The following IPO5 variants were observed in gnomAD, a reference collection of about 807,000 sequenced individuals.
The protein encoded by IPO5 is importin 5.
A neutral mutation model predicts 143.3 loss-of-function variants in IPO5; 18 were observed. The ratio of observed to expected loss-of-function variants is 0.13; its 90% CI spans 0.09 to 0.19. The LOEUF (loss-of-function observed/expected upper bound fraction) is 0.19. Among genes scored for constraint, IPO5 ranks in the 10% least tolerant of loss-of-function variants. The pLI is 1.00. For synonymous variants in IPO5, 477 were observed against 465.7 expected, an observed-to-expected ratio of 1.02 and a Z score of -0.31; for missense variants, 1,013 against 1,336.9, an observed-to-expected ratio of 0.76 and a Z score of 3.78.
At chr13:97,978,030 G>A (rs1196435387) in intron 4 of IPO5, among the ~76,000 whole-genome samples, 1 of 152,020 alleles carries the variant, frequency 6.6e-6, no homozygotes, top group African/African-American at 2.4e-5. Flanking sequence ...TACACTTAGG[G>A]GTTTTATATT....
chr13:98,008,021 C>G (rs751133112), intron 17 of IPO5, 38 bp from the exon 18 acceptor site: 2 of 1,305,360 alleles, frequency 1.5e-6, no homozygotes, highest in East Asian at 2.4e-5. Flanking sequence ...AAACAAAATT[C>G]GGTATCAACA....
intron 3 of IPO5, among the ~76,000 whole-genome samples, chr13:97,972,331 C>T (rs1668936427): frequency 6.6e-6 from 1 of 152,170 alleles, no homozygotes; most frequent in African/African-American, 2.4e-5. Context: ...CTCCCACTTC[C>T]AGAACACTCC....
At chr13:98,004,819 C>T (rs140806815) in intron 16 of IPO5, among the ~76,000 whole-genome samples, 4 of 152,148 alleles carry the variant, frequency 2.6e-5, no homozygotes, top group East Asian at 1.9e-4. Flanking sequence ...GTGTAATTGA[C>T]GTGGGGAATT....
Position 97,990,493 on chromosome 13 carries a change from G to A in IPO5, c.625G>A (p.Ala209Thr), listed in dbSNP as rs756384236. The A allele has an allele frequency of 1.2e-6, 2 of 1,606,688 alleles. No individual in the cohort carries two copies. The highest frequency in any genetic ancestry group is 8.5e-7 in the Non-Finnish European group (1 of 1,178,300). ...TATACTTGCAAATGAGCATAATGTTGCTCTGTTCAAACATTTTGCAGACTT... is the reference window on the plus strand; with the variant it reads ...TATACTTGCAAATGAGCATAATGTTACTCTGTTCAAACATTTTGCAGACTT... ...AFILANEHNV[A>T]LFKHFADLLP... Residue 209 changes from alanine to threonine, a missense_variant, in exon 9 of 29, where the codon GCT (alanine) becomes ACT (threonine). Transcript: ENST00000651721.
intron 18 of IPO5, among the ~76,000 whole-genome samples, chr13:98,009,052 G>A (rs569786730): frequency 3.0e-4 from 46 of 152,358 alleles, no homozygotes; most frequent in Admixed American, 6.5e-4. Context: ...TAGGGAGACT[G>A]AGGGGACTGT....
chr13:97,980,826 C>CAAAA (rs374921610), intron 4 of IPO5, among the ~76,000 whole-genome samples: 2 of 108,792 alleles, frequency 1.8e-5, no homozygotes, highest in East Asian at 5.6e-4. Flanking sequence ...GACTCTATCT[C>CAAAA]AAAAAAAAAA....
intron 6 of IPO5, among the ~76,000 whole-genome samples, chr13:97,988,357 C>G (rs1887546968): frequency 6.6e-6 from 1 of 152,192 alleles, no homozygotes; most frequent in Non-Finnish European, 1.5e-5. Context: ...ACTTTGGTTT[C>G]AAGACCTTGC....
In IPO5 at chr13:98,006,149, A is replaced by G. The variant is rs144227305; in HGVS notation, c.1517A>G (p.Lys506Arg). The G allele has an allele frequency of 8.2e-5, 132 of 1,613,218 alleles. No homozygotes were observed. Among genetic ancestry groups the G allele is most frequent in the Non-Finnish European group, 1.1e-4 (129 of 1,179,410 alleles). Reference sequence around the variant, plus strand: ...TTCTAGCTGATTCAGAAAGGCACCAAGTTAGTTTTGGAACAAGTTGTGACA... The same window carrying G: ...TTCTAGCTGATTCAGAAAGGCACCAGGTTAGTTTTGGAACAAGTTGTGACA... The part of the protein sequence containing the change: ...KLQELIQKGT[K>R]LVLEQVVTSI... The change falls in exon 17 of 29, where the codon AAG (lysine) becomes AGG (arginine). Residue 506 changes from lysine (K) to arginine (R), a missense_variant. This residue lies in a region of IPO5 where 685 missense variants were observed against 994.9 expected (regional missense o/e 0.69). Transcript: ENST00000651721.
intron 3 of IPO5, among the ~76,000 whole-genome samples, chr13:97,972,094 C>G (rs140751308): frequency 3.2e-4 from 48 of 152,238 alleles, no homozygotes; most frequent in Non-Finnish European, 6.2e-4. Context: ...TCTAAATTGA[C>G]CCTCATAATA....
chr13:98,021,686 T>C, intron 28 of IPO5, 50 bp from the exon 29 acceptor site: 1 of 1,159,104 alleles, frequency 8.6e-7, no homozygotes, highest in Non-Finnish European at 1.2e-6. Context: ...ATTAAAATCC[T>C]TCCAAATGAG....
intron 26 of IPO5, among the ~76,000 whole-genome samples, chr13:98,019,371 A>C (rs1173129994): frequency 1.3e-5 from 2 of 152,230 alleles, no homozygotes; most frequent in African/African-American, 2.4e-5. Flanking sequence ...TGGGTCTCTA[A>C]GTTAGTAGAG....
chr13:98,005,597 G>C (rs1158462146), intron 16 of IPO5, among the ~76,000 whole-genome samples: 2 of 152,016 alleles, frequency 1.3e-5, no homozygotes, highest in Admixed American at 6.6e-5. Flanking sequence ...GAGAACACCA[G>C]ATCTTTGGTG....
intron 5 of IPO5, among the ~76,000 whole-genome samples, chr13:97,984,837 A>G (rs1664206096): frequency 6.6e-6 from 1 of 152,226 alleles, no homozygotes; most frequent in South Asian, 2.1e-4. Flanking sequence ...TGATAATCTC[A>G]AGAAATGTTA....
intron 2 of IPO5, among the ~76,000 whole-genome samples, chr13:97,962,482 G>T (rs1472055869): frequency 6.6e-6 from 1 of 152,076 alleles, no homozygotes; most frequent in Non-Finnish European, 1.5e-5. Context: ...AACAGTCATG[G>T]CTCCTATATT....
At chr13:98,006,616 C>T (rs1471677648) in intron 17 of IPO5, among the ~76,000 whole-genome samples, 4 of 151,496 alleles carry the variant, frequency 2.6e-5, no homozygotes, top group Non-Finnish European at 2.9e-5. Context: ...CCTCGTGATC[C>T]GCCCGCCTCG....
At chr13:98,013,827 C>G (rs1889901695) in intron 21 of IPO5, among the ~76,000 whole-genome samples, 1 of 152,086 alleles carries the variant, frequency 6.6e-6, no homozygotes, top group African/African-American at 2.4e-5. Flanking sequence ...ATAGGCAGCC[C>G]TTCACTGCTG....
chr13:97,988,572 A>G (rs1208373495), intron 6 of IPO5, among the ~76,000 whole-genome samples: 1 of 152,232 alleles, frequency 6.6e-6, no homozygotes, highest in African/African-American at 2.4e-5. Context: ...TGGATCACCC[A>G]AGGTCAGGAG....
intron 6 of IPO5, chr13:97,987,982 C>T: frequency 3.3e-6 from 1 of 304,496 alleles, no homozygotes. Flanking sequence ...TTTTATTTCC[C>T]CTCAAAGCAT....
chr13:97,990,025 C>A, intron 7 of IPO5, 101 bp from the exon 8 acceptor site: 1 of 719,844 alleles, frequency 1.4e-6, no homozygotes, highest in South Asian at 1.7e-5. Flanking sequence ...TTAATGCGTA[C>A]TGAGTCAGGT....
Sources: gnomAD v4.1 joint callset for allele counts (sites outside exome capture counted in the v4.1 genomes callset) on GRCh38, gnomAD v4.1.1 for gene constraint, gnomAD v4.1.1 regional missense constraint, MANE v1.5 for transcripts, NCBI Gene and HGNC (gene_info 2026-07-23, HGNC 2026-07-21) for gene names.